Variants in SDF4 observed in about 807,000 individuals in gnomAD.
The protein encoded by SDF4 is stromal cell derived factor 4, also known as 45 kDa calcium-binding protein.
A neutral mutation model predicts 34.2 loss-of-function variants in SDF4; 22 were observed. That is an observed-to-expected ratio of 0.64 (90% CI 0.46 to 0.92). The LOEUF (loss-of-function observed/expected upper bound fraction) is 0.92. Ranked by LOEUF, SDF4 falls within the 40% of genes least tolerant of loss-of-function variation. SDF4 has a pLI of 0.00. For synonymous variants in SDF4, 236 were observed against 203.1 expected, an observed-to-expected ratio of 1.16 and a Z score of -1.38; for missense variants, 447 against 499.9, an observed-to-expected ratio of 0.89 and a Z score of 1.01.
At chr1:1,219,976 G>A in intron 4 of SDF4, 1 of 985,660 alleles carries the variant, frequency 1.0e-6, no homozygotes, top group South Asian at 4.7e-5. Flanking sequence ...GGAGTGACGG[G>A]GCTGTGGTTC....
intron 4 of SDF4, among the ~76,000 whole-genome samples, chr1:1,221,874 C>CT (rs1649982063): frequency 6.6e-6 from 1 of 152,010 alleles, no homozygotes; most frequent in African/African-American, 2.4e-5. Flanking sequence ...CGCCTGAGCC[C>CT]TGGAAGGTAC....
chr1:1,220,132 G>T, intron 4 of SDF4: 2 of 987,092 alleles, frequency 2.0e-6, no homozygotes, highest in African/African-American at 3.5e-5. Flanking sequence ...CACAGCCGCC[G>T]CCGAGCCCCA....
intron 4 of SDF4, chr1:1,220,151 C>G: frequency 6.1e-6 from 6 of 988,652 alleles, no homozygotes; most frequent in Non-Finnish European, 7.2e-6. Flanking sequence ...CAGCACCAAC[C>G]TCAGGCTGGT....
At chr1:1,219,943 A>G (rs1479542885) in intron 4 of SDF4, 9 of 985,458 alleles carry the variant, frequency 9.1e-6, no homozygotes, top group Non-Finnish European at 1.1e-5. Context: ...CATCTACACG[A>G]CCGGTTCACT....
chr1:1,219,657 G>A (rs1388936321), intron 4 of SDF4: 13 of 986,102 alleles, frequency 1.3e-5, no homozygotes, highest in Middle Eastern at 5.2e-4. Flanking sequence ...GTGCCCACCC[G>A]GCCCCAACGG....
intron 2 of SDF4, among the ~76,000 whole-genome samples, chr1:1,225,903 G>T (rs1248501264): frequency 6.6e-6 from 1 of 152,246 alleles, no homozygotes; most frequent in Admixed American, 6.5e-5. Context: ...CCAAACTCAG[G>T]TGCCTGAAGA....
Sources: allele counts gnomAD v4.1 joint callset (sites outside exome capture counted in the v4.1 genomes callset), GRCh38; gene constraint gnomAD v4.1.1; transcripts MANE v1.5; gene names NCBI Gene and HGNC (gene_info 2026-07-23, HGNC 2026-07-21).